The following CNTNAP5 variants were observed in gnomAD, a reference collection of about 807,000 sequenced individuals.
CNTNAP5 encodes the protein contactin associated protein family member 5.
CNTNAP5 carries 72 observed loss-of-function variants against 150.2 expected under a neutral mutation model. The ratio of observed to expected loss-of-function variants is 0.48; its 90% confidence interval spans 0.40 to 0.58. The LOEUF (loss-of-function observed/expected upper bound fraction) is 0.58, where lower values mean the gene tolerates loss of function less well. Among genes scored for constraint, CNTNAP5 ranks in the 20% least tolerant of loss-of-function variants. The pLI is 0.00. For synonymous variants in CNTNAP5, 672 were observed against 619.8 expected, an observed-to-expected ratio of 1.08 and a Z score of -1.25; for missense variants, 1,636 against 1,626.2, an observed-to-expected ratio of 1.01 and a Z score of -0.10.
chr2:124,464,567 A>G (rs1693332160), intron 6 of CNTNAP5, among the ~76,000 whole-genome samples: 1 of 152,192 alleles, frequency 6.6e-6, no homozygotes, highest in Non-Finnish European at 1.5e-5. Context: ...GGACAGACTG[A>G]GTCATTCATC....
chr2:124,830,756 C>A (rs1234850306), intron 19 of CNTNAP5, among the ~76,000 whole-genome samples: 3 of 151,928 alleles, frequency 2.0e-5, no homozygotes, highest in African/African-American at 7.2e-5. Context: ...CAGGTCACAA[C>A]AGCAGAGTTA....
intron 1 of CNTNAP5, among the ~76,000 whole-genome samples, chr2:124,104,834 G>C (rs780965327): frequency 6.6e-6 from 1 of 152,134 alleles, no homozygotes; most frequent in African/African-American, 2.4e-5. Context: ...CATGCTGACA[G>C]CTTTGGTAGC....
At chr2:124,802,716 T>C (rs1450435982) in intron 19 of CNTNAP5, among the ~76,000 whole-genome samples, 1 of 152,190 alleles carries the variant, frequency 6.6e-6, no homozygotes, top group Non-Finnish European at 1.5e-5. Context: ...TAGTGGGGAT[T>C]TCTCTTTCAA....
At chr2:124,408,766 T>TA (rs1691665235) in intron 3 of CNTNAP5, among the ~76,000 whole-genome samples, 1 of 151,150 alleles carries the variant, frequency 6.6e-6, no homozygotes, top group Non-Finnish European at 1.5e-5. Context: ...CAAAAGTAGA[T>TA]AAAACCACAA....
At chr2:124,457,791 G>A (rs1180235513) in intron 6 of CNTNAP5, among the ~76,000 whole-genome samples, 2 of 151,926 alleles carry the variant, frequency 1.3e-5, no homozygotes, top group East Asian at 1.9e-4. Context: ...ATATACAAAT[G>A]GCCAACAAAC....
chr2:124,524,211 G>A, intron 8 of CNTNAP5, 92 bp from the exon 9 acceptor site: 1 of 1,324,028 alleles, frequency 7.6e-7, no homozygotes, highest in East Asian at 2.3e-5. Flanking sequence ...TCTGAGAATG[G>A]CATGGACGGC....
Position 124,647,647 on chromosome 2 carries a change from A to G in CNTNAP5, c.1877-111A>G, listed in dbSNP as rs116691374. On this transcript the variant is annotated intron_variant, in intron 12 of 23. Transcript: ENST00000682447. ...TTCTCTGTCCTACTCTCCATACGGT[A>G]CCGGAGTGTTGATTAATGTTGCACG... is the stretch of plus-strand genomic sequence containing the variant. 6.2e-4 allele frequency: 565 copies of G among 916,474 alleles called. 2 individuals are homozygous for G. In the African/African-American group the frequency reaches 8.1e-3, roughly 13 times the overall value. The allele number at this position is 916,474 out of a possible 1,614,324, so 56.8% of individuals were successfully genotyped here.
chr2:124,457,705 C>CAT (rs1305171039), intron 6 of CNTNAP5, among the ~76,000 whole-genome samples: 1 of 151,784 alleles, frequency 6.6e-6, no homozygotes, highest in Non-Finnish European at 1.5e-5. Context: ...TTTAAATATA[C>CAT]ATATATATTT....
chr2:124,854,626 G>A (rs554084928), intron 19 of CNTNAP5, among the ~76,000 whole-genome samples: 6 of 152,224 alleles, frequency 3.9e-5, no homozygotes, highest in Non-Finnish European at 5.9e-5. Context: ...TTATAATTTG[G>A]GGGAAGTGTT....
intron 13 of CNTNAP5, among the ~76,000 whole-genome samples, chr2:124,713,562 G>A (rs1156969969): frequency 1.3e-5 from 2 of 151,686 alleles, no homozygotes; most frequent in African/African-American, 2.4e-5. Context: ...TTTTAGTAGA[G>A]ACAGGGTTTC....
At chr2:124,070,396 G>GGAAA (rs761771947) in intron 1 of CNTNAP5, among the ~76,000 whole-genome samples, 2 of 72,958 alleles carry the variant, frequency 2.7e-5, no homozygotes, top group African/African-American at 5.6e-5. Flanking sequence ...GCTGAATGGG[G>GGAAA]AAAAAAAAAA....
chr2:124,558,452 C>T (rs1336637009), intron 10 of CNTNAP5, among the ~76,000 whole-genome samples: 1 of 10,526 alleles, frequency 9.5e-5, no homozygotes, highest in Non-Finnish European at 3.0e-4. Flanking sequence ...TAGACACCCA[C>T]GTGGAGCTGT....
intron 3 of CNTNAP5, among the ~76,000 whole-genome samples, chr2:124,308,278 G>GTCATTAAT (rs548736126): frequency 0.014 from 2,094 of 152,162 alleles, 21 homozygotes; most frequent in Non-Finnish European, 0.02. Context: ...GCCAGTCTTG[G>GTCATTAAT]TCATTAATTC....
intron 13 of CNTNAP5, among the ~76,000 whole-genome samples, chr2:124,713,059 C>T (rs543094359): frequency 2.0e-5 from 3 of 152,238 alleles, no homozygotes; most frequent in African/African-American, 4.8e-5. Flanking sequence ...AGGTCACACA[C>T]ATTTAGACCA....
intron 1 of CNTNAP5, among the ~76,000 whole-genome samples, chr2:124,072,034 T>G (rs972055438): frequency 1.3e-5 from 2 of 152,020 alleles, no homozygotes; most frequent in Admixed American, 1.3e-4. Context: ...TTATTTGTTA[T>G]GAATAAGTGG....
At chr2:124,725,303 T>C (rs1040924395) in intron 13 of CNTNAP5, among the ~76,000 whole-genome samples, 2 of 152,158 alleles carry the variant, frequency 1.3e-5, no homozygotes, top group Non-Finnish European at 2.9e-5. Flanking sequence ...TTTCCAGCTT[T>C]ATTGAAGAAT....
At chr2:124,199,082 T>C (rs1053976918) in intron 1 of CNTNAP5, among the ~76,000 whole-genome samples, 3 of 152,190 alleles carry the variant, frequency 2.0e-5, no homozygotes, top group Non-Finnish European at 4.4e-5. Flanking sequence ...AAGGTATTTC[T>C]TCTCATTATT....
chr2:124,027,638 C>T (rs550844387), intron 1 of CNTNAP5, among the ~76,000 whole-genome samples: 25 of 152,210 alleles, frequency 1.6e-4, no homozygotes, highest in African/African-American at 5.3e-4. Flanking sequence ...TTATCATTAC[C>T]GATGTAGTAA....
intron 19 of CNTNAP5, among the ~76,000 whole-genome samples, chr2:124,809,380 G>GTATTTATTTATT (rs71387244): frequency 5.1e-4 from 74 of 145,012 alleles, no homozygotes; most frequent in East Asian, 1.4e-3. Context: ...CAATAATATG[G>GTATTTATTTATT]TATTTATTTA....
Sources: allele counts gnomAD v4.1 joint callset (sites outside exome capture counted in the v4.1 genomes callset), GRCh38; gene constraint gnomAD v4.1.1; transcripts MANE v1.5; gene names NCBI Gene and HGNC (gene_info 2026-07-23, HGNC 2026-07-21).